CDH23: variants seen among roughly 807,000 people sequenced by gnomAD.
The protein encoded by CDH23 is cadherin-23.
In CDH23, 189 loss-of-function variants were observed where a neutral mutation model predicts 317.1. The observed-to-expected ratio is 0.60, with a 90% CI of 0.53 to 0.67. The LOEUF (loss-of-function observed/expected upper bound fraction) is 0.67. CDH23 is among the 30% of genes least tolerant of loss of function. The pLI is 0.00. For missense variants in CDH23, 4,401 were observed against 4,592.4 expected (o/e 0.96, Z 1.20); for synonymous variants, 1,839 against 1,876.8 (o/e 0.98, Z 0.52).
At chr10:71,766,749 T>C (rs74145646) in intron 38 of CDH23, among the ~76,000 whole-genome samples, 4,030 of 152,244 alleles carry the variant, frequency 0.026, 192 homozygotes, top group African/African-American at 0.091. Context: ...AGAAGTGACT[T>C]GCCCAAGGCC....
At chr10:71,782,026 G>A (rs1461229805) in intron 41 of CDH23, among the ~76,000 whole-genome samples, 1 of 152,188 alleles carries the variant, frequency 6.6e-6, no homozygotes, top group Non-Finnish European at 1.5e-5. Flanking sequence ...TGCATGGAGG[G>A]ACGTGCCTGG....
At chr10:71,415,599 T>C (rs1478541310) in intron 1 of CDH23, among the ~76,000 whole-genome samples, 1 of 152,252 alleles carries the variant, frequency 6.6e-6, no homozygotes. Flanking sequence ...ACATAGCTCA[T>C]TGTTTTATAG....
At chr10:71,779,811 C>T (rs1455857947) in intron 41 of CDH23, among the ~76,000 whole-genome samples, 2 of 152,256 alleles carry the variant, frequency 1.3e-5, no homozygotes, top group African/African-American at 4.8e-5. Flanking sequence ...CTCAGGACCA[C>T]AAACCCACAC....
At chr10:71,766,930 C>T (rs938089478) in intron 38 of CDH23, among the ~76,000 whole-genome samples, 2 of 152,214 alleles carry the variant, frequency 1.3e-5, no homozygotes, top group African/African-American at 2.4e-5. Context: ...CCACGCCCTC[C>T]GTGCAACATT....
At chr10:71,534,937 G>T (rs1008734779) in intron 6 of CDH23, among the ~76,000 whole-genome samples, 12 of 152,334 alleles carry the variant, frequency 7.9e-5, no homozygotes, top group African/African-American at 2.6e-4. Context: ...AGCTGAGGAA[G>T]CCAGTCATTC....
intron 3 of CDH23, among the ~76,000 whole-genome samples, chr10:71,451,990 C>T (rs1176125069): frequency 6.6e-6 from 1 of 152,220 alleles, no homozygotes; most frequent in African/African-American, 2.4e-5. Context: ...ATGGGGATGG[C>T]TGCCCAGGGA....
At chr10:71,445,158 C>T (rs1034311537) in intron 2 of CDH23, among the ~76,000 whole-genome samples, 5 of 152,198 alleles carry the variant, frequency 3.3e-5, no homozygotes, top group African/African-American at 9.6e-5. Context: ...TCCTGGATGG[C>T]CACCGCCACT....
At position 71,730,594 on chromosome 10, in the gene CDH23, C is replaced by T; in HGVS notation, c.3705C>T (p.Asp1235=). The T allele has an allele frequency of 6.2e-7, 1 of 1,613,882 alleles. No homozygotes were observed. Among genetic ancestry groups the T allele is most frequent in the Non-Finnish European group, 8.5e-7 (1 of 1,179,892 alleles). ...GTSVIVVQAT[D]RDSGDGGLVN... is the part of the protein sequence containing the mutation. ...CAGTCATCGTGGTCCAAGCCACAGA[C>T]CGAGACTCTGGTGAGGCTGGCAGGA... Residue 1235 remains aspartate, a synonymous_variant, in exon 31 of 70, where the codon GAC becomes GAT. Transcript: ENST00000224721.
At chr10:71,685,420 A>C (rs1462985027) in intron 18 of CDH23, among the ~76,000 whole-genome samples, 3 of 152,178 alleles carry the variant, frequency 2.0e-5, no homozygotes, top group Non-Finnish European at 4.4e-5. Flanking sequence ...AGCCCCCCTA[A>C]AAGGGGCCGG....
chr10:71,765,507 C>T (rs1164958194), intron 38 of CDH23, among the ~76,000 whole-genome samples: 1 of 152,170 alleles, frequency 6.6e-6, no homozygotes, highest in African/African-American at 2.4e-5. Context: ...TCCCTGTGAA[C>T]AAGGTGGGGC....
chr10:71,586,921 A>G (rs1305103148), intron 9 of CDH23, among the ~76,000 whole-genome samples: 1 of 152,196 alleles, frequency 6.6e-6, no homozygotes, highest in Non-Finnish European at 1.5e-5. Flanking sequence ...TTACTCCATC[A>G]TGGGAGAATA....
intron 14 of CDH23, among the ~76,000 whole-genome samples, chr10:71,648,768 G>A (rs1589295660): frequency 6.6e-6 from 1 of 152,248 alleles, no homozygotes; most frequent in South Asian, 2.1e-4. Flanking sequence ...TCTGTGAGTC[G>A]CTAGGAACCA....
chr10:71,644,030 G>C (rs1002242404), intron 12 of CDH23, among the ~76,000 whole-genome samples, 164 bp downstream of exon 12: 1 of 152,250 alleles, frequency 6.6e-6, no homozygotes, highest in Non-Finnish European at 1.5e-5. Flanking sequence ...AGAGGAGTTG[G>C]TGTCACCTGT....
chr10:71,737,598 C>T (rs915284537), intron 34 of CDH23: 5 of 442,562 alleles, frequency 1.1e-5, no homozygotes, highest in Non-Finnish European at 2.3e-5. Flanking sequence ...GCCCCTGAAC[C>T]CCACATGCAG....
chr10:71,695,618 G>A, intron 22 of CDH23, 93 bp downstream of exon 22: 1 of 852,306 alleles, frequency 1.2e-6, no homozygotes, highest in Non-Finnish European at 1.9e-6. Context: ...TCCCCTATGG[G>A]GCTGGTGGAC....
intron 30 of CDH23, among the ~76,000 whole-genome samples, chr10:71,727,260 T>C (rs1227067): frequency 0.37 from 56,132 of 152,136 alleles, 10,571 homozygotes; most frequent in South Asian, 0.58. Flanking sequence ...GCTTCATGCC[T>C]TGGCAGCCAG....
intron 11 of CDH23, among the ~76,000 whole-genome samples, chr10:71,643,100 A>G (rs1862642181): frequency 6.6e-6 from 1 of 152,252 alleles, no homozygotes; most frequent in South Asian, 2.1e-4. Context: ...TCGCATCATC[A>G]TCTATATGCA....
chr10:71,666,867 T>C (rs910143272), intron 14 of CDH23, among the ~76,000 whole-genome samples: 5 of 152,186 alleles, frequency 3.3e-5, no homozygotes, highest in African/African-American at 4.8e-5. Context: ...TAAGGACTTA[T>C]ACAGAGGGGC....
At chr10:71,661,725 G>GCC (rs1446664583) in intron 14 of CDH23, among the ~76,000 whole-genome samples, 1,604 of 89,176 alleles carry the variant, frequency 0.018, 27 homozygotes, top group East Asian at 0.087. Flanking sequence ...CACCCTGCGC[G>GCC]CCCTCCCACC....
Sources: allele counts gnomAD v4.1 joint callset (sites outside exome capture counted in the v4.1 genomes callset), GRCh38; gene constraint gnomAD v4.1.1; transcripts MANE v1.5; gene names NCBI Gene and HGNC (gene_info 2026-07-23, HGNC 2026-07-21).